Variants in ZCCHC24 observed in about 807,000 individuals in gnomAD.
ZCCHC24 encodes the protein zinc finger CCHC domain-containing protein 24.
A neutral mutation model predicts 26.2 loss-of-function variants in ZCCHC24; 10 were observed. The ratio of observed to expected loss-of-function variants is 0.38; its 90% CI spans 0.24 to 0.65. The LOEUF is 0.65. Ranked by LOEUF, ZCCHC24 falls within the 30% of genes least tolerant of loss-of-function variation. The pLI is 0.54. For missense variants in ZCCHC24, 243 were observed against 329.1 expected (o/e 0.74, Z 2.03); for synonymous variants, 144 against 147.1 (o/e 0.98, Z 0.15).
chr10:79,432,520 G>A (rs756020882), intron 2 of ZCCHC24, 38 bp downstream of exon 2: 18 of 1,580,572 alleles, frequency 1.1e-5, no homozygotes, highest in South Asian at 1.1e-5. Context: ...GGTCAGTAGG[G>A]GAGCCCAAGA....
chr10:79,427,816 C>G (rs1272582533), intron 2 of ZCCHC24, among the ~76,000 whole-genome samples: 7 of 152,034 alleles, frequency 4.6e-5, no homozygotes, highest in Non-Finnish European at 1.0e-4. Flanking sequence ...GAGTTTGAGT[C>G]TGCAATGAGT....
At chr10:79,412,098 G>A (rs1487131853) in intron 2 of ZCCHC24, among the ~76,000 whole-genome samples, 1 of 152,212 alleles carries the variant, frequency 6.6e-6, no homozygotes, top group Non-Finnish European at 1.5e-5. Context: ...AGGGGGCATT[G>A]AGCCTGTGCC....
At chr10:79,425,435 A>G (rs1207174228) in intron 2 of ZCCHC24, among the ~76,000 whole-genome samples, 1 of 152,202 alleles carries the variant, frequency 6.6e-6, no homozygotes, top group Non-Finnish European at 1.5e-5. Context: ...CTCTGCCCAC[A>G]TTGTCCTTGA....
chr10:79,417,349 A>G (rs1856878133), intron 2 of ZCCHC24, among the ~76,000 whole-genome samples: 1 of 79,240 alleles, frequency 1.3e-5, no homozygotes. Context: ...CCTGTCAGGG[A>G]GAGACCTGTG....
At chr10:79,435,973 G>A (rs774534139) in intron 1 of ZCCHC24, among the ~76,000 whole-genome samples, 2 of 152,196 alleles carry the variant, frequency 1.3e-5, no homozygotes, top group Non-Finnish European at 2.9e-5. Flanking sequence ...CATCTGTACA[G>A]TGTAAAATGG....
Position 79,445,276 on chromosome 10 carries a change from G to A in ZCCHC24, c.165C>T (p.Phe55=), listed in dbSNP as rs1484014133. ...TAGAAPPELA[F]GKGRPEQLGS... Reference sequence around the variant, plus strand: ...CCAGCTGCTCGGGGCGGCCCTTGCCGAAGGCCAGCTCCGGGGGTGCGGCGC... The same window carrying A: ...CCAGCTGCTCGGGGCGGCCCTTGCCAAAGGCCAGCTCCGGGGGTGCGGCGC... The change falls in exon 1 of 4, where the codon TTC becomes TTT. Residue 55 remains phenylalanine, a synonymous_variant. Transcript: ENST00000372336. 2.0e-6 allele frequency: 3 copies of A among 1,463,802 alleles called. No homozygotes were observed. Among genetic ancestry groups the A allele is most frequent in the East Asian group, 3.0e-5 (1 of 33,458 alleles). The allele number at this position is 1,463,802 out of a possible 1,614,324, so 90.7% of individuals were successfully genotyped here.
At chr10:79,439,374 A>C in intron 1 of ZCCHC24, among the ~76,000 whole-genome samples, 1 of 152,210 alleles carries the variant, frequency 6.6e-6, no homozygotes, top group Non-Finnish European at 1.5e-5. Context: ...ACAAAACAAA[A>C]GGTGAAGAGG....
At chr10:79,433,412 T>C (rs993338986) in intron 1 of ZCCHC24, among the ~76,000 whole-genome samples, 1 of 152,174 alleles carries the variant, frequency 6.6e-6, no homozygotes, top group African/African-American at 2.4e-5. Context: ...GTGGTCCATC[T>C]CTCTCACCTC....
intron 1 of ZCCHC24, among the ~76,000 whole-genome samples, chr10:79,438,059 A>G (rs1311606631): frequency 2.0e-5 from 3 of 152,160 alleles, no homozygotes; most frequent in African/African-American, 7.2e-5. Context: ...CGTCTGGGCC[A>G]GGCTACCAGG....
intron 1 of ZCCHC24, among the ~76,000 whole-genome samples, chr10:79,441,124 G>A (rs1004259194): frequency 8.5e-6 from 1 of 117,952 alleles, no homozygotes; most frequent in African/African-American, 4.2e-5. Flanking sequence ...ACACCACAAA[G>A]GCTGCTGGGA....
chr10:79,402,510 T>C (rs1388480243), intron 2 of ZCCHC24, among the ~76,000 whole-genome samples: 1 of 152,166 alleles, frequency 6.6e-6, no homozygotes, highest in Non-Finnish European at 1.5e-5. Flanking sequence ...CTCCTGACCT[T>C]GTGATACGCC....
Position 79,398,261 on chromosome 10 carries a change from C to T in ZCCHC24, c.448-3821G>A, listed in dbSNP as rs372135086. 6.4e-4 allele frequency among the ~76,000 whole-genome samples: 97 copies of T among 152,350 alleles called. 1 individual carries two copies. Among genetic ancestry groups the T allele is most frequent in the African/African-American group, 2.3e-3 (94 of 41,590 alleles). Reference sequence around the variant, plus strand: ...CAATGACATCTGGCTCTGCCTGTGACTATCCAGGGAGTTCCTCGCCAAGTT... The same window carrying T: ...CAATGACATCTGGCTCTGCCTGTGATTATCCAGGGAGTTCCTCGCCAAGTT... On this transcript the variant is annotated intron_variant, in intron 2 of 3. Coordinates refer to ENST00000372336, the MANE Select transcript of ZCCHC24 (RefSeq NM_153367.4).
At chr10:79,387,635 G>GGAA (rs1554839889) in intron 3 of ZCCHC24, among the ~76,000 whole-genome samples, 1 of 60,750 alleles carries the variant, frequency 1.6e-5, no homozygotes, top group Non-Finnish European at 3.5e-5. Context: ...CAGGAGAGGG[G>GGAA]GCAGAACCTG....
intron 2 of ZCCHC24, among the ~76,000 whole-genome samples, chr10:79,419,514 C>G (rs187795418): frequency 6.6e-6 from 1 of 152,188 alleles, no homozygotes; most frequent in African/African-American, 2.4e-5. Context: ...GAACCTTCCC[C>G]GGAGTCTTCA....
chr10:79,402,765 AG>A (rs769639070), intron 2 of ZCCHC24, among the ~76,000 whole-genome samples: 14 of 152,340 alleles, frequency 9.2e-5, no homozygotes, highest in Non-Finnish European at 1.6e-4. Flanking sequence ...ACAGCCATGG[AG>A]CCAGAACTTA....
intron 3 of ZCCHC24, among the ~76,000 whole-genome samples, chr10:79,393,218 A>G (rs1402678758): frequency 6.6e-6 from 1 of 152,216 alleles, no homozygotes; most frequent in East Asian, 1.9e-4. Flanking sequence ...GACTTCTCAC[A>G]TGAGCTTCAG....
chr10:79,442,602 C>T (rs1341597838), intron 1 of ZCCHC24, among the ~76,000 whole-genome samples: 1 of 152,168 alleles, frequency 6.6e-6, no homozygotes, highest in Non-Finnish European at 1.5e-5. Context: ...CAAGTCACAT[C>T]CGCAGGCACT....
At position 79,421,911 on chromosome 10, in the gene ZCCHC24, G is replaced by A. The variant is rs185632345; in HGVS notation, c.447+10647C>T. On this transcript the variant is annotated intron_variant, in intron 2 of 3. Transcript: ENST00000372336. Reference sequence around the variant, plus strand: ...CCCAAAGTGCTGGGATTACAGGCATGAGCCACCGCACCCAGCCTTCTATAC... The same window carrying A: ...CCCAAAGTGCTGGGATTACAGGCATAAGCCACCGCACCCAGCCTTCTATAC... Among the ~76,000 whole-genome samples the A allele has an allele frequency of 9.2e-4, 140 of 152,304 alleles. 1 individual carries two copies. Among genetic ancestry groups the A allele is most frequent in the African/African-American group, 3.2e-3 (135 of 41,564 alleles).
chr10:79,421,982 C>T (rs748757664), intron 2 of ZCCHC24, among the ~76,000 whole-genome samples: 45 of 152,242 alleles, frequency 3.0e-4, no homozygotes, highest in Non-Finnish European at 4.7e-4. Flanking sequence ...TGTGAGAAAA[C>T]CTCAGTTTCC....
Sources: allele counts gnomAD v4.1 joint callset (sites outside exome capture counted in the v4.1 genomes callset), GRCh38; gene constraint gnomAD v4.1.1; transcripts MANE v1.5; gene names NCBI Gene and HGNC (gene_info 2026-07-23, HGNC 2026-07-21).